ZNF583: variants seen among roughly 807,000 people sequenced by gnomAD.
The protein encoded by ZNF583 is zinc finger protein L3-5.
ZNF583 carries 30 observed loss-of-function variants against 55.3 expected under a neutral mutation model. The ratio of observed to expected loss-of-function variants is 0.54; its 90% CI spans 0.41 to 0.74. ZNF583 has a LOEUF of 0.74. Ranked by LOEUF, ZNF583 falls within the 30% of genes least tolerant of loss-of-function variation. The probability of loss-of-function intolerance (pLI) is 0.00; values close to 1 mark genes in which losing one functional copy is unlikely to be tolerated. For synonymous variants in ZNF583, 208 were observed against 220.0 expected (o/e 0.95, Z 0.48); for missense variants, 504 against 664.7 (o/e 0.76, Z 2.66).
rs573679219 is a variant in ZNF583, at chr19:56,425,244, C to T, written c.*876C>T. 6.6e-6 allele frequency: 1 copy of T among 151,964 alleles called. No homozygotes were observed. The allele number at this position is 151,964 out of a possible 1,614,324, so 9.4% of individuals were successfully genotyped here. A position where few individuals can be genotyped will look rare whatever the true frequency, so the allele number is the denominator to read the frequency against. On this transcript the variant is annotated 3_prime_UTR_variant, in exon 5 of 5. Coordinates refer to ENST00000333201, the MANE Select transcript of ZNF583 (RefSeq NM_152478.3). ...TTTTTTTTTGAGATGGAGTCTTGCT[C>T]TGTTGCTCAGGCTTGAGTGCAGTAG... is the stretch of plus-strand genomic sequence containing the variant.
At chr19:56,414,198 A>ATAGGTT (rs2042281812) in intron 3 of ZNF583, 113 bp downstream of exon 3, 1 of 1,523,702 alleles carries the variant, frequency 6.6e-7, no homozygotes, top group East Asian at 2.3e-5. Context: ...GCTTCCCAAA[A>ATAGGTT]TAGGTTGAAT....
In ZNF583 at chr19:56,422,094, G is replaced by A. The variant is rs547029354; in HGVS notation, c.233-797G>A. On this transcript the variant is annotated intron_variant, in intron 4 of 4. Coordinates refer to ENST00000333201, the MANE Select transcript of ZNF583 (RefSeq NM_152478.3). ...CATATGACTGAAGTGGAGTAAGCAAGCAAGGGAGTAGTAGAAGATAAGATC... is the reference window on the plus strand; with the variant it reads ...CATATGACTGAAGTGGAGTAAGCAAACAAGGGAGTAGTAGAAGATAAGATC... Among the ~76,000 whole-genome samples the A allele has an allele frequency of 1.1e-4, 17 of 152,334 alleles. No homozygotes were observed. In the South Asian group the frequency reaches 3.3e-3, roughly 30 times the overall value.
chr19:56,418,399 ACT>A (rs145083370), intron 4 of ZNF583, among the ~76,000 whole-genome samples: 2,915 of 152,192 alleles, frequency 0.019, 98 homozygotes, highest in African/African-American at 0.065. Context: ...ACATAGCAAG[ACT>A]CTGTCTGAAA....
At chr19:56,411,409 TA>T (rs2042236448) in intron 2 of ZNF583, among the ~76,000 whole-genome samples, 2 of 152,152 alleles carry the variant, frequency 1.3e-5, no homozygotes, top group South Asian at 4.1e-4. Context: ...AAAGTAAATA[TA>T]AAAAAATGTA....
At chr19:56,411,659 A>C (rs1407218463) in intron 2 of ZNF583, among the ~76,000 whole-genome samples, 1 of 152,244 alleles carries the variant, frequency 6.6e-6, no homozygotes, top group Non-Finnish European at 1.5e-5. Context: ...GCCCAGGCCT[A>C]TCCAGCACGA....
Position 56,414,405 on chromosome 19 carries a change from T to C in ZNF583, c.197T>C (p.Met66Thr), listed in dbSNP as rs778037650. ...SLLEQGKEPW[M>T]VKKEGTRGPC... ...TTGGAGCAAGGAAAAGAGCCCTGGA[T>C]GGTGAAGAAGGAGGGAACAAGAGGC... The change falls in exon 4 of 5, where the codon ATG (methionine) becomes ACG (threonine). Residue 66 changes from methionine (M) to threonine (T), a missense_variant. By Grantham distance (81) the Met-to-Thr change is moderately conservative (BLOSUM62 -1). Transcript: ENST00000333201. 1.7e-5 allele frequency: 27 copies of C among 1,613,976 alleles called. No individual in the cohort carries two copies. Among genetic ancestry groups the C allele is most frequent in the Non-Finnish European group, 2.2e-5 (26 of 1,180,014 alleles).
intron 2 of ZNF583, 74 bp downstream of exon 2, chr19:56,407,197 T>G (rs2042167558): frequency 6.4e-7 from 1 of 1,567,212 alleles, no homozygotes; most frequent in African/African-American, 1.4e-5. Flanking sequence ...TTTGTTTTTC[T>G]TCCAAAATTC....
Position 56,424,050 on chromosome 19 carries a change from T to C in ZNF583, c.1392T>C (p.Tyr464=). The change falls in exon 5 of 5, where the codon TAT becomes TAC. Residue 464 remains tyrosine (Y), a synonymous_variant. Transcript: ENST00000333201. The part of the protein sequence containing the change: ...HQRSHTGEKP[Y]MCKECRKTFS... ...GAAGTCATACTGGAGAAAAACCCTATATGTGTAAGGAATGTAGGAAAACAT... is the reference window on the plus strand; with the variant it reads ...GAAGTCATACTGGAGAAAAACCCTACATGTGTAAGGAATGTAGGAAAACAT... 6.2e-7 allele frequency: 1 copy of C among 1,613,764 alleles called. No individual in the cohort carries two copies. Among genetic ancestry groups the C allele is most frequent in the Non-Finnish European group, 8.5e-7 (1 of 1,179,926 alleles).
chr19:56,423,917 T>C lies in ZNF583; in HGVS notation c.1259T>C (p.Ile420Thr), dbSNP rs751678262. 2.5e-6 allele frequency: 4 copies of C among 1,613,198 alleles called. No homozygotes were observed. The highest frequency in any genetic ancestry group is 1.7e-5 in the Admixed American group (1 of 59,942). ...CKVCRKAFSQ[I>T]AYLDQHQRVH... ...GTATGTAGGAAAGCCTTCAGCCAAA[T>C]TGCATACCTTGATCAACATCAGAGG... is the stretch of plus-strand genomic sequence containing the variant. The change falls in exon 5 of 5, where the codon ATT (isoleucine) becomes ACT (threonine). Residue 420 changes from isoleucine to threonine, a missense_variant. Physicochemically the swap from Ile to Thr is moderately conservative, Grantham distance 89 (BLOSUM62 -1). Coordinates refer to ENST00000333201, the MANE Select transcript of ZNF583 (RefSeq NM_152478.3).
intron 2 of ZNF583, among the ~76,000 whole-genome samples, 186 bp downstream of exon 2, chr19:56,407,309 C>T (rs2042170583): frequency 6.6e-6 from 1 of 152,188 alleles, no homozygotes; most frequent in Non-Finnish European, 1.5e-5. Context: ...CCACAGCCAG[C>T]ATTTTTATCT....
chr19:56,415,725 A>G (rs1032198950), intron 4 of ZNF583, among the ~76,000 whole-genome samples: 4 of 152,096 alleles, frequency 2.6e-5, no homozygotes, highest in East Asian at 3.9e-4. Flanking sequence ...CACTACGCCC[A>G]GCTAATTTTT....
At chr19:56,410,609 G>C (rs530468937) in intron 2 of ZNF583, among the ~76,000 whole-genome samples, 8 of 152,280 alleles carry the variant, frequency 5.3e-5, no homozygotes, top group African/African-American at 1.9e-4. Context: ...AGCTGAGGCA[G>C]GAGAATTGCT....
chr19:56,422,351 C>G (rs962783732), intron 4 of ZNF583, among the ~76,000 whole-genome samples: 21 of 152,236 alleles, frequency 1.4e-4, no homozygotes, highest in African/African-American at 5.1e-4. Flanking sequence ...TGAAAGTTTA[C>G]ATATGGTTGG....
At chr19:56,416,990 T>A (rs932914654) in intron 4 of ZNF583, among the ~76,000 whole-genome samples, 10 of 152,166 alleles carry the variant, frequency 6.6e-5, no homozygotes, top group African/African-American at 2.2e-4. Context: ...AATCATTCAG[T>A]ATGTATTTTG....
Position 56,413,975 on chromosome 19 carries a change from G to A in ZNF583, c.26G>A (p.Gly9Glu), listed in dbSNP as rs2042277495. The change falls in exon 3 of 5, where the codon GGG becomes GAG. Residue 9 changes from glycine (G) to glutamate (E), a missense_variant. By Grantham distance (98) the Gly-to-Glu change is moderately conservative (BLOSUM62 -2). Around this residue, in one of 3 missense-constraint regions of ZNF583, gnomAD observed 204 missense variants for 235.2 expected, o/e 0.87. Coordinates refer to ENST00000333201, the MANE Select transcript of ZNF583 (RefSeq NM_152478.3). MSKDLVTF[G>E]DVAVNFSQEE... ...TCATTTCAGGATTTGGTGACATTTGGGGATGTGGCTGTAAATTTCTCTCAA... is the reference window on the plus strand; with the variant it reads ...TCATTTCAGGATTTGGTGACATTTGAGGATGTGGCTGTAAATTTCTCTCAA... The A allele has an allele frequency of 2.5e-6, 4 of 1,614,090 alleles. No homozygotes were observed. In the South Asian group the frequency reaches 4.4e-5, roughly 18 times the overall value.
In ZNF583 at chr19:56,424,658, T is replaced by C. The variant is rs994608373; in HGVS notation, c.*290T>C. The C allele has an allele frequency of 3.7e-6, 1 of 273,820 alleles. No individual in the cohort carries two copies. Among genetic ancestry groups the C allele is most frequent in the Non-Finnish European group, 6.9e-6 (1 of 144,072 alleles). 17.0% of individuals were successfully genotyped at this position (273,820 alleles called of 1,614,324 possible). A position where few individuals can be genotyped will look rare whatever the true frequency, so the allele number is the denominator to read the frequency against. ...TAGCCTCTAACACCTTGTTCCAGGT[T>C]ACCTTCCAAAGTTTCTATCTTGTGT... On this transcript the variant is annotated 3_prime_UTR_variant, in exon 5 of 5. Transcript: ENST00000333201.
At chr19:56,406,541 T>TC (rs1159737356) in intron 1 of ZNF583, among the ~76,000 whole-genome samples, 2 of 148,618 alleles carry the variant, frequency 1.3e-5, no homozygotes, top group Non-Finnish European at 1.5e-5. Flanking sequence ...TTTTTTTTTT[T>TC]TTTTTTTTTG....
chr19:56,407,886 G>A (rs1335317516), intron 2 of ZNF583, among the ~76,000 whole-genome samples: 1 of 152,192 alleles, frequency 6.6e-6, no homozygotes, highest in Non-Finnish European at 1.5e-5. Flanking sequence ...AATGGAGCCA[G>A]AAGAAACATA....
Position 56,414,355 on chromosome 19 carries a change from T to C in ZNF583, c.147T>C (p.Val49=), listed in dbSNP as rs755545084. 1 of 1,614,134 alleles carries C rather than the reference T, an allele frequency of 6.2e-7. No homozygotes were observed. Among genetic ancestry groups the C allele is most frequent in the South Asian group, 1.1e-5 (1 of 91,086 alleles). ...GTTTTTTGTAAGCAGGAGTTTCTGT[T>C]TCTAAGCCAGATGTGATCTCATTAT... is the stretch of plus-strand genomic sequence containing the variant. ...YRSLVSLGVS[V]SKPDVISLLE... Residue 49 remains valine (V), a synonymous_variant, in exon 4 of 5, where the codon GTT becomes GTC. Coordinates refer to ENST00000333201, the MANE Select transcript of ZNF583 (RefSeq NM_152478.3).
Sources: allele counts gnomAD v4.1 joint callset (sites outside exome capture counted in the v4.1 genomes callset), GRCh38; gene constraint gnomAD v4.1.1; regional missense constraint gnomAD v4.1.1; transcripts MANE v1.5; gene names NCBI Gene and HGNC (gene_info 2026-07-23, HGNC 2026-07-21).